The following BRINP1 variants were observed in gnomAD, a reference collection of about 807,000 sequenced individuals.
BRINP1 encodes BMP/retinoic acid-inducible neural-specific protein 1.
A neutral mutation model predicts 72.9 loss-of-function variants in BRINP1; 17 were observed. The ratio of observed to expected loss-of-function variants is 0.23; its 90% CI spans 0.16 to 0.35. The LOEUF is 0.35. BRINP1 is among the 10% of genes least tolerant of loss of function. The pLI is 1.00. For synonymous variants in BRINP1, 418 were observed against 378.5 expected (o/e 1.10, Z -1.21); for missense variants, 850 against 1,001.6 (o/e 0.85, Z 2.04).
At chr9:119,199,543 G>C (rs561912160) in intron 7 of BRINP1, among the ~76,000 whole-genome samples, 1 of 152,106 alleles carries the variant, frequency 6.6e-6, no homozygotes, top group African/African-American at 2.4e-5. Flanking sequence ...GCTGGGTCAA[G>C]GCCATGTGAA....
intron 2 of BRINP1, among the ~76,000 whole-genome samples, chr9:119,298,619 C>G (rs1159474509): frequency 6.6e-6 from 1 of 152,152 alleles, no homozygotes; most frequent in African/African-American, 2.4e-5. Context: ...ATACCCGCAG[C>G]CTCTCAGCCC....
In BRINP1 at chr9:119,323,297, T is replaced by C. The variant is rs897206829; in HGVS notation, c.-50-9892A>G. On this transcript the variant is annotated intron_variant, in intron 1 of 7. Coordinates refer to ENST00000265922, the MANE Select transcript of BRINP1 (RefSeq NM_014618.3). Reference sequence around the variant, plus strand: ...CAAACAAAAATTCCAAAGAGAGAAATCTAAAGAGAGGCAGGCTGAAACCCA... The same window carrying C: ...CAAACAAAAATTCCAAAGAGAGAAACCTAAAGAGAGGCAGGCTGAAACCCA... Among the ~76,000 whole-genome samples the C allele has an allele frequency of 5.9e-5, 9 of 152,148 alleles. 1 individual carries two copies. The highest frequency in any genetic ancestry group is 2.0e-4 in the Admixed American group (3 of 15,290).
chr9:119,284,242 T>G (rs1022409923), intron 2 of BRINP1, among the ~76,000 whole-genome samples: 3 of 152,206 alleles, frequency 2.0e-5, no homozygotes, highest in African/African-American at 7.2e-5. Context: ...GCTCAGATTT[T>G]ACAAATTCCA....
intron 5 of BRINP1, among the ~76,000 whole-genome samples, chr9:119,224,083 T>C (rs1457182698): frequency 6.6e-6 from 1 of 152,090 alleles, no homozygotes; most frequent in Non-Finnish European, 1.5e-5. Context: ...TCCTTTCATT[T>C]ACCACTTTAT....
chr9:119,317,544 G>C (rs1332942231), intron 1 of BRINP1, among the ~76,000 whole-genome samples: 1 of 152,154 alleles, frequency 6.6e-6, no homozygotes, highest in Non-Finnish European at 1.5e-5. Context: ...CGACAACAAA[G>C]GATTTAGAAT....
chr9:119,229,499 G>C (rs1830126789), intron 5 of BRINP1, among the ~76,000 whole-genome samples: 1 of 152,020 alleles, frequency 6.6e-6, no homozygotes, highest in African/African-American at 2.4e-5. Context: ...GCCTTTTCTT[G>C]AAACCACTAT....
chr9:119,170,566 T>A (rs1829393770), intron 7 of BRINP1, among the ~76,000 whole-genome samples: 1 of 152,024 alleles, frequency 6.6e-6, no homozygotes, highest in African/African-American at 2.4e-5. Context: ...TGCAGGATAT[T>A]ATCCAGGAGA....
intron 2 of BRINP1, among the ~76,000 whole-genome samples, chr9:119,288,184 T>C (rs931039987): frequency 6.6e-6 from 1 of 152,178 alleles, no homozygotes; most frequent in African/African-American, 2.4e-5. Flanking sequence ...CCTTCTTTTT[T>C]CTCCCTTCAC....
chr9:119,287,069 A>C (rs1274867845), intron 2 of BRINP1, among the ~76,000 whole-genome samples: 2 of 152,164 alleles, frequency 1.3e-5, no homozygotes, highest in Non-Finnish European at 2.9e-5. Flanking sequence ...AGAAAAAAAA[A>C]AAAAACAGAC....
intron 1 of BRINP1, among the ~76,000 whole-genome samples, chr9:119,339,217 C>A (rs539052756): frequency 6.6e-6 from 1 of 152,266 alleles, no homozygotes; most frequent in Admixed American, 6.5e-5. Context: ...CAGAAAGTAG[C>A]CATGGACAAT....
chr9:119,280,119 C>T (rs1830694418), intron 2 of BRINP1, among the ~76,000 whole-genome samples: 3 of 152,042 alleles, frequency 2.0e-5, no homozygotes, highest in Admixed American at 2.0e-4. Flanking sequence ...TACATGTTTA[C>T]AGAATTAGCT....
At chr9:119,307,686 C>T (rs184308507) in intron 2 of BRINP1, among the ~76,000 whole-genome samples, 4 of 152,312 alleles carry the variant, frequency 2.6e-5, no homozygotes, top group Non-Finnish European at 4.4e-5. Flanking sequence ...AGAAGCAATA[C>T]GCAAGCTGTC....
chr9:119,349,946 C>T (rs890294821), intron 1 of BRINP1, among the ~76,000 whole-genome samples: 3 of 152,220 alleles, frequency 2.0e-5, no homozygotes, highest in African/African-American at 7.2e-5. Context: ...CACTCTCCAG[C>T]ATTTGCTTCC....
chr9:119,225,306 T>C (rs929187436), intron 5 of BRINP1, among the ~76,000 whole-genome samples: 2 of 152,034 alleles, frequency 1.3e-5, no homozygotes, highest in African/African-American at 2.4e-5. Context: ...TATGATTCCA[T>C]TGATTTGAAA....
At chr9:119,337,453 G>A (rs1220377920) in intron 1 of BRINP1, among the ~76,000 whole-genome samples, 1 of 152,168 alleles carries the variant, frequency 6.6e-6, no homozygotes, top group Non-Finnish European at 1.5e-5. Flanking sequence ...CCTATTTAAA[G>A]CATTGACCAA....
At chr9:119,219,369 T>C (rs1830014752) in intron 5 of BRINP1, among the ~76,000 whole-genome samples, 2 of 152,188 alleles carry the variant, frequency 1.3e-5, no homozygotes, top group Admixed American at 1.3e-4. Flanking sequence ...CATTTTCTTA[T>C]ATGAGGATTA....
chr9:119,200,733 A>C (rs967491822), intron 7 of BRINP1, among the ~76,000 whole-genome samples: 1 of 152,244 alleles, frequency 6.6e-6, no homozygotes, highest in East Asian at 1.9e-4. Flanking sequence ...ATGAGAAGGA[A>C]GCATATAAAA....
intron 2 of BRINP1, among the ~76,000 whole-genome samples, chr9:119,299,019 T>G (rs1233319421): frequency 6.6e-6 from 1 of 152,164 alleles, no homozygotes; most frequent in Non-Finnish European, 1.5e-5. Context: ...GAGGAATGGC[T>G]CAATCAAATT....
At chr9:119,275,751 G>A (rs973444633) in intron 2 of BRINP1, among the ~76,000 whole-genome samples, 3 of 152,118 alleles carry the variant, frequency 2.0e-5, no homozygotes, top group Admixed American at 2.0e-4. Flanking sequence ...GTGTGTCTCT[G>A]GTAGCTATTA....
Sources: allele counts gnomAD v4.1 joint callset (sites outside exome capture counted in the v4.1 genomes callset), GRCh38; gene constraint gnomAD v4.1.1; transcripts MANE v1.5; gene names NCBI Gene and HGNC (gene_info 2026-07-23, HGNC 2026-07-21).